The following CRTC1 variants were observed in gnomAD, a reference collection of about 807,000 sequenced individuals.
The protein encoded by CRTC1 is CREB-regulated transcription coactivator 1.
A neutral mutation model predicts 66.1 loss-of-function variants in CRTC1; 18 were observed. The ratio of observed to expected loss-of-function variants is 0.27; its 90% CI spans 0.19 to 0.40. The LOEUF is 0.40. CRTC1 is among the 10% of genes least tolerant of loss of function. CRTC1 has a pLI of 1.00. For missense variants in CRTC1, 669 were observed against 887.9 expected, an observed-to-expected ratio of 0.75 and a Z score of 3.13; for synonymous variants, 416 against 398.8, an observed-to-expected ratio of 1.04 and a Z score of -0.51.
intron 1 of CRTC1, among the ~76,000 whole-genome samples, chr19:18,710,689 G>A (rs1312222537): frequency 6.6e-6 from 1 of 152,078 alleles, no homozygotes; most frequent in Non-Finnish European, 1.5e-5. Flanking sequence ...TCGGCTCACT[G>A]CAACCTCCGC....
rs2054779588 is a variant in CRTC1 at position 18,768,251 on chromosome 19, A to C, written c.1012-234A>C. On this transcript the variant is annotated intron_variant, in intron 9 of 13. Transcript: ENST00000321949. This position sits in a 1 kb window ranked among gnomAD's most constrained non-coding sequence, Gnocchi z 5.6. ...CATGTAGTGCGGGTGCAGGCACAAC[A>C]AGCTGGAGGAGGTCAGGTCCTGCCC... Among the ~76,000 whole-genome samples the C allele has an allele frequency of 1.3e-5, 2 of 152,112 alleles. No homozygotes were observed. Among genetic ancestry groups the C allele is most frequent in the African/African-American group, 4.8e-5 (2 of 41,420 alleles).
intron 8 of CRTC1, among the ~76,000 whole-genome samples, chr19:18,763,532 A>G (rs1053304364): frequency 6.6e-6 from 1 of 152,216 alleles, no homozygotes; most frequent in Non-Finnish European, 1.5e-5. Flanking sequence ...ATGCACAGCC[A>G]TGAAATCGCC....
At chr19:18,733,622 G>A (rs777731058) in intron 1 of CRTC1, among the ~76,000 whole-genome samples, 11 of 152,178 alleles carry the variant, frequency 7.2e-5, no homozygotes, top group Non-Finnish European at 1.3e-4. Context: ...TCCCAAGCTC[G>A]GCAGATGTTT....
intron 6 of CRTC1, among the ~76,000 whole-genome samples, chr19:18,758,837 G>A (rs1355323080): frequency 1.3e-5 from 2 of 152,156 alleles, no homozygotes; most frequent in African/African-American, 4.8e-5. Context: ...CTTGCCTGGT[G>A]GGCACTGGAC....
intron 1 of CRTC1, among the ~76,000 whole-genome samples, chr19:18,713,686 T>G (rs1221064695): frequency 6.6e-6 from 1 of 152,272 alleles, no homozygotes; most frequent in Non-Finnish European, 1.5e-5. Flanking sequence ...CAGGTTCGTG[T>G]TGGCTGGGAT....
At chr19:18,746,515 C>G (rs2054241625) in intron 3 of CRTC1, among the ~76,000 whole-genome samples, 1 of 145,164 alleles carries the variant, frequency 6.9e-6, no homozygotes, top group African/African-American at 2.5e-5. Context: ...CCTTGGTGCT[C>G]AGCCAGCCGG....
chr19:18,747,011 C>T (rs369093021), intron 3 of CRTC1, 42 bp from the exon 4 acceptor site: 11 of 1,585,854 alleles, frequency 6.9e-6, no homozygotes, highest in Admixed American at 5.0e-5. Context: ...TTGTTGGAGG[C>T]GGGGTCTCAG....
At position 18,766,532 on chromosome 19, in the gene CRTC1, G is replaced by C. The variant is rs555736828; in HGVS notation, c.1011+1004G>C. On this transcript the variant is annotated intron_variant, in intron 9 of 13. Coordinates refer to ENST00000321949, the MANE Select transcript of CRTC1 (RefSeq NM_015321.3). ...CGTGATCTTGGTTCATTGCAACTCT[G>C]CCTCCCAATTTCAAGCAATTCTTGT... Among the ~76,000 whole-genome samples, 629 of 151,914 alleles carry C rather than the reference G, an allele frequency of 4.1e-3. 4 individuals carry two copies. Among genetic ancestry groups the C allele is most frequent in the Admixed American group, 8.7e-3 (132 of 15,248 alleles).
At chr19:18,757,277 G>A (rs1166720540) in intron 6 of CRTC1, among the ~76,000 whole-genome samples, 1 of 152,134 alleles carries the variant, frequency 6.6e-6, no homozygotes, top group African/African-American at 2.4e-5. Context: ...GGAGTCTCGG[G>A]GGCCCCTACC....
chr19:18,697,413 G>A (rs1453188180), intron 1 of CRTC1, among the ~76,000 whole-genome samples: 2 of 152,078 alleles, frequency 1.3e-5, no homozygotes, highest in Non-Finnish European at 2.9e-5. Flanking sequence ...GTGTTCAAGC[G>A]ATTGTCCTGC....
intron 12 of CRTC1, 42 bp from the exon 13 acceptor site, chr19:18,775,599 G>A (rs1370947358): frequency 6.0e-6 from 9 of 1,495,112 alleles, no homozygotes; most frequent in Non-Finnish European, 8.0e-6. Context: ...AGCTGGGCAG[G>A]CCCGCGGTGG....
chr19:18,777,740 G>C lies in CRTC1; in HGVS notation c.*358G>C, dbSNP rs1389897021. Reference sequence around the variant, plus strand: ...CTCCCGGCGTGGCGGGCAGGCTCAGGGGAGGGGCGCGCATGGTCCGCCAGG... The same window carrying C: ...CTCCCGGCGTGGCGGGCAGGCTCAGCGGAGGGGCGCGCATGGTCCGCCAGG... On this transcript the variant is annotated 3_prime_UTR_variant, in exon 14 of 14. Transcript: ENST00000321949. The surrounding 1 kb of genome is among the most constrained non-coding windows in gnomAD (Gnocchi z 5.5). The C allele has an allele frequency of 2.8e-6, 1 of 356,738 alleles. No individual in the cohort carries two copies. The highest frequency in any genetic ancestry group is 5.2e-6 in the Non-Finnish European group (1 of 193,346). The allele number at this position is 356,738 out of a possible 1,614,324, so 22.1% of individuals were successfully genotyped here. A position where few individuals can be genotyped will look rare whatever the true frequency, so the allele number is the denominator to read the frequency against.
chr19:18,774,857 G>A, intron 11 of CRTC1, 43 bp from the exon 12 acceptor site: 1 of 1,596,988 alleles, frequency 6.3e-7, no homozygotes, highest in Non-Finnish European at 8.5e-7. Flanking sequence ...CTTCCCACCT[G>A]GCCTCAGGCC....
intron 8 of CRTC1, among the ~76,000 whole-genome samples, chr19:18,764,170 G>A (rs903987150): frequency 6.6e-6 from 1 of 152,194 alleles, no homozygotes; most frequent in Non-Finnish European, 1.5e-5. Context: ...GCGCTTGTCG[G>A]GTGTGTTCCC....
intron 1 of CRTC1, among the ~76,000 whole-genome samples, chr19:18,713,039 G>A (rs2053427302): frequency 6.6e-6 from 1 of 150,480 alleles, no homozygotes; most frequent in South Asian, 2.1e-4. Flanking sequence ...GCAGCCAGCA[G>A]TCTGCTTCCT....
At chr19:18,758,038 A>G (rs1260994072) in intron 6 of CRTC1, among the ~76,000 whole-genome samples, 1 of 150,642 alleles carries the variant, frequency 6.6e-6, no homozygotes, top group African/African-American at 2.4e-5. Flanking sequence ...ATAAAAATAA[A>G]AAATTAAAAC....
At chr19:18,727,240 AC>A (rs1425989053) in intron 1 of CRTC1, among the ~76,000 whole-genome samples, 7 of 150,274 alleles carry the variant, frequency 4.7e-5, no homozygotes, top group African/African-American at 1.5e-4. Flanking sequence ...ACAGAGTGAG[AC>A]CCTGTCTCAA....
rs1471771745 is a variant in CRTC1, at chr19:18,777,703, G to A, written c.*321G>A. ...GCCTGAGCCGTCCCCTGTAAGATGC[G>A]GGAAGTGTCAGCTCCCGGCGTGGCG... On this transcript the variant is annotated 3_prime_UTR_variant, in exon 14 of 14. Coordinates refer to ENST00000321949, the MANE Select transcript of CRTC1 (RefSeq NM_015321.3). The surrounding 1 kb of genome is among the most constrained non-coding windows in gnomAD (Gnocchi z 5.5). 7 of 386,880 alleles carry A rather than the reference G, an allele frequency of 1.8e-5. No individual in the cohort carries two copies. Among genetic ancestry groups the A allele is most frequent in the Non-Finnish European group, 3.3e-5 (7 of 212,600 alleles). 24.0% of individuals were successfully genotyped at this position (386,880 alleles called of 1,614,324 possible).
chr19:18,780,327 C>T lies in CRTC1; in HGVS notation c.*2945C>T, dbSNP rs930090446. 7.1e-4 allele frequency: 165 copies of T among 231,746 alleles called. No homozygotes were observed. Among genetic ancestry groups the T allele is most frequent in the African/African-American group, 3.5e-3 (157 of 45,340 alleles). The allele number at this position is 231,746 out of a possible 1,614,324, so 14.4% of individuals were successfully genotyped here. ...AGGGCTCTCCCTCCTGAGAGCATGG[C>T]GTCCCCACCTTCCTGTTTCGCCGAC... On this transcript the variant is annotated 3_prime_UTR_variant, in exon 14 of 14. Transcript: ENST00000321949.
Sources: allele counts gnomAD v4.1 joint callset (sites outside exome capture counted in the v4.1 genomes callset), GRCh38; gene constraint gnomAD v4.1.1; non-coding constraint Gnocchi (gnomAD v3.1); transcripts MANE v1.5; gene names NCBI Gene and HGNC (gene_info 2026-07-23, HGNC 2026-07-21).